RIOX1: variants seen among roughly 807,000 people sequenced by gnomAD.
The protein encoded by RIOX1 is ribosomal oxygenase 1.
Under a neutral mutation model 44.6 loss-of-function variants are expected in RIOX1, and 33 were observed. That is an observed-to-expected ratio of 0.74 (90% confidence interval 0.56 to 0.99). RIOX1 has a LOEUF of 0.99. Among genes scored for constraint, RIOX1 ranks in the 50% least tolerant of loss-of-function variants. RIOX1 has a pLI of 0.00. For synonymous variants in RIOX1, 387 were observed against 395.8 expected, an observed-to-expected ratio of 0.98 and a Z score of 0.26; for missense variants, 821 against 871.7, an observed-to-expected ratio of 0.94 and a Z score of 0.73.
Position 73,492,574 on chromosome 14 carries a change from G to A in RIOX1, c.1557G>A (p.Arg519=), listed in dbSNP as rs1288226236. Reference sequence around the variant, plus strand: ...CCCCTGTTTTGACTGATAGGGAGAGGGCACTAAGTGTTTACGGGCTTCCAA... The same window carrying A: ...CCCCTGTTTTGACTGATAGGGAGAGAGCACTAAGTGTTTACGGGCTTCCAA... ...SLPPVLTDRE[R]ALSVYGLPIR... The change falls in exon 1 of 1, where the codon AGG becomes AGA. Residue 519 remains arginine (R), a synonymous_variant. Transcript: ENST00000304061. This position sits in a 1 kb window ranked among gnomAD's most constrained non-coding sequence, Gnocchi z 4.9. 1.9e-6 allele frequency: 3 copies of A among 1,613,912 alleles called. No homozygotes were observed. The highest frequency in any genetic ancestry group is 1.7e-6 in the Non-Finnish European group (2 of 1,179,868).
chr14:73,492,427 G>A lies in RIOX1; in HGVS notation c.1410G>A (p.Lys470=), dbSNP rs1885832127. The change falls in exon 1 of 1, where the codon AAG becomes AAA. Residue 470 remains lysine, a synonymous_variant. Coordinates refer to ENST00000304061, the MANE Select transcript of RIOX1 (RefSeq NM_024644.5). This position sits in a 1 kb window ranked among gnomAD's most constrained non-coding sequence, Gnocchi z 4.9. ...TGGGGGCCCAGCATTCAGATTCTAA[G>A]GATCCGCGAAGAACCGCTTTCATGG... ...DYMGAQHSDS[K]DPRRTAFMEK... 6.2e-7 allele frequency: 1 copy of A among 1,613,604 alleles called. No homozygotes were observed. Among genetic ancestry groups the A allele is most frequent in the Admixed American group, 1.7e-5 (1 of 59,978 alleles).
chr14:73,492,688 G>A lies in RIOX1; in HGVS notation c.1671G>A (p.Arg557=). ...ATATGCTTCAGGATGGGATAGCTCG[G>A]CTGGTGGGTGAGGGGGGCCATTTGT... The part of the protein sequence containing the change: ...EVHMLQDGIA[R]LVGEGGHLFL... The change falls in exon 1 of 1, where the codon CGG becomes CGA. Residue 557 remains arginine (R), a synonymous_variant. Coordinates refer to ENST00000304061, the MANE Select transcript of RIOX1 (RefSeq NM_024644.5). This position sits in a 1 kb window ranked among gnomAD's most constrained non-coding sequence, Gnocchi z 4.9. 1 of 1,613,996 alleles carries A rather than the reference G, an allele frequency of 6.2e-7. No homozygotes were observed.
chr14:73,491,748 C>T lies in RIOX1; in HGVS notation c.731C>T (p.Thr244Ile). 6.4e-7 allele frequency: 1 copy of T among 1,557,906 alleles called. No homozygotes were observed. Among genetic ancestry groups the T allele is most frequent in the Non-Finnish European group, 8.7e-7 (1 of 1,151,190 alleles). ...ACCTACTACCAGGGACTTTTCTCTACCGCTGACCTGGATTCGATGCTGCGC... is the reference window on the plus strand; with the variant it reads ...ACCTACTACCAGGGACTTTTCTCTATCGCTGACCTGGATTCGATGCTGCGC... ...DHTYYQGLFSTADLDSMLRNE... is the reference protein window; with the variant it reads ...DHTYYQGLFSIADLDSMLRNE... The change falls in exon 1 of 1, where the codon ACC becomes ATC. Residue 244 changes from threonine to isoleucine, a missense_variant. Transcript: ENST00000304061.
Position 73,491,479 on chromosome 14 carries a change from C to T in RIOX1, c.462C>T (p.His154=). The part of the protein sequence containing the change: ...ETSALLCTAQ[H]LAAVQSSGAP... Reference sequence around the variant, plus strand: ...CGGCCCTGCTGTGCACCGCGCAACACTTAGCGGCCGTCCAGTCGTCCGGGG... The same window carrying T: ...CGGCCCTGCTGTGCACCGCGCAACATTTAGCGGCCGTCCAGTCGTCCGGGG... Residue 154 remains histidine, a synonymous_variant, in exon 1 of 1, where the codon CAC becomes CAT. Transcript: ENST00000304061. 1 of 1,497,506 alleles carries T rather than the reference C, an allele frequency of 6.7e-7. No individual in the cohort carries two copies. Among genetic ancestry groups the T allele is most frequent in the Non-Finnish European group, 8.9e-7 (1 of 1,129,594 alleles). The allele number at this position is 1,497,506 out of a possible 1,614,324, so 92.8% of individuals were successfully genotyped here.
rs1460814744 is a variant in RIOX1 at position 73,490,983 on chromosome 14, G to GC, written c.-33dup. 2 of 1,326,020 alleles carry GC rather than the reference G, an allele frequency of 1.5e-6. No individual in the cohort carries two copies. Among genetic ancestry groups the GC allele is most frequent in the Non-Finnish European group, 1.9e-6 (2 of 1,031,244 alleles). The allele number at this position is 1,326,020 out of a possible 1,614,324, so 82.1% of individuals were successfully genotyped here. ...AGGAACCGCTTTAGCTTCGCCCCCG[G>GC]CCGGCCGGGCGGGGAAGACTGGTGT... On this transcript the variant is annotated 5_prime_UTR_variant, in exon 1 of 1. Coordinates refer to ENST00000304061, the MANE Select transcript of RIOX1 (RefSeq NM_024644.5).
rs1203578170 is a variant in RIOX1, at chr14:73,492,434, C to A, written c.1417C>A (p.Arg473=). ...CCAGCATTCAGATTCTAAGGATCCG[C>A]GAAGAACCGCTTTCATGGAGAAGGT... ...GAQHSDSKDP[R]RTAFMEKVRV... is the part of the protein sequence containing the mutation. The change falls in exon 1 of 1, where the codon CGA becomes AGA. Residue 473 remains arginine (R), a synonymous_variant. Coordinates refer to ENST00000304061, the MANE Select transcript of RIOX1 (RefSeq NM_024644.5). This position sits in a 1 kb window ranked among gnomAD's most constrained non-coding sequence, Gnocchi z 4.9. 2 of 1,613,790 alleles carry A rather than the reference C, an allele frequency of 1.2e-6. No homozygotes were observed. The highest frequency in any genetic ancestry group is 1.7e-6 in the Non-Finnish European group (2 of 1,179,778).
chr14:73,493,236 T>C lies in RIOX1; in HGVS notation c.*293T>C. The stretch of plus-strand genomic sequence containing the variant: ...CAGGCTTCAGTGTACTGGGTAACAC[T>C]GACCATGTCGTTCTGCTTGAGACAG... On this transcript the variant is annotated 3_prime_UTR_variant, in exon 1 of 1. Coordinates refer to ENST00000304061, the MANE Select transcript of RIOX1 (RefSeq NM_024644.5). 2.4e-6 allele frequency: 2 copies of C among 830,212 alleles called. No individual in the cohort carries two copies. The highest frequency in any genetic ancestry group is 3.2e-5 in the South Asian group (2 of 63,316). The allele number at this position is 830,212 out of a possible 1,614,324, so 51.4% of individuals were successfully genotyped here. A position where few individuals can be genotyped will look rare whatever the true frequency, so the allele number is the denominator to read the frequency against.
Position 73,492,500 on chromosome 14 carries a change from G to C in RIOX1, c.1483G>C (p.Asp495His). ...CCGCCTGGGACACTTTGCTCCTGTT[G>C]ATGCTGTGGCCGACCAGCGAGCCAA... ...VARLGHFAPV[D>H]AVADQRAKDF... The change falls in exon 1 of 1, where the codon GAT becomes CAT. Residue 495 changes from aspartate to histidine, a missense_variant. Physicochemically the swap from Asp to His is moderately conservative, Grantham distance 81 (BLOSUM62 -1). Transcript: ENST00000304061. The surrounding 1 kb of genome is among the most constrained non-coding windows in gnomAD (Gnocchi z 4.9). The C allele has an allele frequency of 1.2e-6, 2 of 1,613,716 alleles. No homozygotes were observed. The highest frequency in any genetic ancestry group is 1.7e-6 in the Non-Finnish European group (2 of 1,179,750).
rs1329741850 is a variant in RIOX1, at chr14:73,493,313, G to A, written c.*370G>A. The A allele has an allele frequency of 7.0e-6, 4 of 568,218 alleles. No homozygotes were observed. The highest frequency in any genetic ancestry group is 1.3e-5 in the Non-Finnish European group (4 of 314,056). 35.2% of individuals were successfully genotyped at this position (568,218 alleles called of 1,614,324 possible). A position where few individuals can be genotyped will look rare whatever the true frequency, so the allele number is the denominator to read the frequency against. ...TCTTTCATCTGAGTTCTTTTTCATG[G>A]GCGGGTCGGGGTCAGTATCCTGTTT... is the stretch of plus-strand genomic sequence containing the variant. On this transcript the variant is annotated 3_prime_UTR_variant, in exon 1 of 1. Transcript: ENST00000304061.
In RIOX1 at chr14:73,492,443, G is replaced by C; in HGVS notation, c.1426G>C (p.Ala476Pro). The change falls in exon 1 of 1, where the codon GCT becomes CCT. Residue 476 changes from alanine to proline, a missense_variant. By Grantham distance (27) the Ala-to-Pro change is conservative. This residue lies in a region of RIOX1 where 267 missense variants were observed against 340.5 expected (regional missense o/e 0.78). Transcript: ENST00000304061. The surrounding 1 kb of genome is among the most constrained non-coding windows in gnomAD (Gnocchi z 4.9). ...AGATTCTAAGGATCCGCGAAGAACC[G>C]CTTTCATGGAGAAGGTGCGGGTCTT... ...HSDSKDPRRT[A>P]FMEKVRVLVA... 1.2e-6 allele frequency: 2 copies of C among 1,613,778 alleles called. No homozygotes were observed. The highest frequency in any genetic ancestry group is 1.7e-6 in the Non-Finnish European group (2 of 1,179,778).
At position 73,492,891 on chromosome 14, in the gene RIOX1, C is replaced by T. The variant is rs1323537838; in HGVS notation, c.1874C>T (p.Thr625Met). 1.2e-6 allele frequency: 2 copies of T among 1,613,494 alleles called. No homozygotes were observed. The highest frequency in any genetic ancestry group is 2.7e-5 in the African/African-American group (2 of 74,828). ...SVEDQLSLAT[T>M]LYDKGLLLTK... ...GAGGACCAGCTGTCCTTGGCAACCA[C>T]GTTGTATGATAAGGGGCTGCTGCTC... The change falls in exon 1 of 1, where the codon ACG becomes ATG. Residue 625 changes from threonine to methionine, a missense_variant. By Grantham distance (81) the Thr-to-Met change is moderately conservative. This residue lies in a region of RIOX1 where 267 missense variants were observed against 340.5 expected (regional missense o/e 0.78). Transcript: ENST00000304061. The surrounding 1 kb of genome is among the most constrained non-coding windows in gnomAD (Gnocchi z 4.9).
At position 73,491,267 on chromosome 14, in the gene RIOX1, G is replaced by C; in HGVS notation, c.250G>C (p.Ala84Pro). 1.3e-6 allele frequency: 2 copies of C among 1,570,876 alleles called. No individual in the cohort carries two copies. The highest frequency in any genetic ancestry group is 1.7e-6 in the Non-Finnish European group (2 of 1,158,002). ...DLGDALPGGA[A>P]VAAVPDAARR... is the part of the protein sequence containing the mutation. ...GGGGGACGCGCTACCCGGTGGGGCG[G>C]CGGTGGCGGCCGTCCCGGACGCAGC... Residue 84 changes from alanine (A) to proline (P), a missense_variant, in exon 1 of 1, where the codon GCG (alanine) becomes CCG (proline). Coordinates refer to ENST00000304061, the MANE Select transcript of RIOX1 (RefSeq NM_024644.5).
rs367909112 is a variant in RIOX1 at position 73,492,784 on chromosome 14, C to T, written c.1767C>T (p.Pro589=). 4.3e-6 allele frequency: 7 copies of T among 1,613,838 alleles called. No homozygotes were observed. Among genetic ancestry groups the T allele is most frequent in the Non-Finnish European group, 5.9e-6 (7 of 1,179,896 alleles). Residue 589 remains proline, a synonymous_variant, in exon 1 of 1, where the codon CCC becomes CCT. Transcript: ENST00000304061. The surrounding 1 kb of genome is among the most constrained non-coding windows in gnomAD (Gnocchi z 4.9). ...LEEPKCLEIY[P]QQADAMELLL... is the part of the protein sequence containing the mutation. ...AACCCAAGTGCTTGGAAATATACCC[C>T]CAGCAAGCTGATGCCATGGAACTGT...
rs759171485 is a variant in RIOX1 at position 73,491,119 on chromosome 14, G to C, written c.102G>C (p.Leu34Phe). The C allele has an allele frequency of 6.2e-7, 1 of 1,607,144 alleles. No homozygotes were observed. Residue 34 changes from leucine (L) to phenylalanine (F), a missense_variant, in exon 1 of 1, where the codon TTG (leucine) becomes TTC (phenylalanine). Around this residue, in one of 2 missense-constraint regions of RIOX1, gnomAD observed 554 missense variants for 531.2 expected, o/e 1.04. Coordinates refer to ENST00000304061, the MANE Select transcript of RIOX1 (RefSeq NM_024644.5). ...PHSGSVLALP[L>F]RSRKIRKQLR... ...GCGGGTCGGTCCTGGCCCTGCCCTT[G>C]AGGTCCAGGAAGATACGAAAGCAGC...
rs1885881624 is a variant in RIOX1, at chr14:73,493,010, T to TTC, written c.*68_*69insCT. On this transcript the variant is annotated 3_prime_UTR_variant, in exon 1 of 1. Transcript: ENST00000304061. ...GCTGCCACTGCTACCTTTTTTTTTT[T>TTC]TTTTTCCTTAAACTCACGTTCTTAC... 5 of 1,583,358 alleles carry TTC rather than the reference T, an allele frequency of 3.2e-6. No homozygotes were observed. Among genetic ancestry groups the TTC allele is most frequent in the Non-Finnish European group, 3.4e-6 (4 of 1,170,804 alleles).
rs780591513 is a variant in RIOX1, at chr14:73,491,878, G to C, written c.861G>C (p.Trp287Cys). Reference protein sequence around the residue: ...PPGRALPAAAWSLYQAGCSLR... With the variant: ...PPGRALPAAACSLYQAGCSLR... ...GCCGCGCGCTGCCCGCCGCCGCGTGGTCCCTGTACCAGGCCGGCTGCTCCC... is the reference window on the plus strand; with the variant it reads ...GCCGCGCGCTGCCCGCCGCCGCGTGCTCCCTGTACCAGGCCGGCTGCTCCC... The change falls in exon 1 of 1, where the codon TGG becomes TGC. Residue 287 changes from tryptophan (W) to cysteine (C), a missense_variant. Trp to Cys is a radical substitution (Grantham distance 215). Transcript: ENST00000304061. 6.2e-7 allele frequency: 1 copy of C among 1,611,664 alleles called. No homozygotes were observed. The highest frequency in any genetic ancestry group is 8.5e-7 in the Non-Finnish European group (1 of 1,179,180).
rs1210797493 is a variant in RIOX1 at position 73,491,819 on chromosome 14, A to C, written c.802A>C (p.Ile268Leu). Residue 268 changes from isoleucine to leucine, a missense_variant, in exon 1 of 1, where the codon ATC (isoleucine) becomes CTC (leucine). This residue lies in a region of RIOX1 where 554 missense variants were observed against 531.2 expected (regional missense o/e 1.04). Transcript: ENST00000304061. ...FGQHLDAARY[I>L]NGRRETLNPP... ...CCAGCATTTGGACGCCGCTCGCTACATCAACGGACGACGCGAGACCCTGAA... is the reference window on the plus strand; with the variant it reads ...CCAGCATTTGGACGCCGCTCGCTACCTCAACGGACGACGCGAGACCCTGAA... 1 of 1,604,666 alleles carries C rather than the reference A, an allele frequency of 6.2e-7. No individual in the cohort carries two copies. Among genetic ancestry groups the C allele is most frequent in the Non-Finnish European group, 8.5e-7 (1 of 1,176,306 alleles).
In RIOX1 at chr14:73,493,093, C is replaced by G; in HGVS notation, c.*150C>G. 2 of 1,611,246 alleles carry G rather than the reference C, an allele frequency of 1.2e-6. No individual in the cohort carries two copies. The highest frequency in any genetic ancestry group is 1.1e-5 in the South Asian group (1 of 90,966). On this transcript the variant is annotated 3_prime_UTR_variant, in exon 1 of 1. Transcript: ENST00000304061. ...TTATCACTGCTTCAGTGTCACAAAC[C>G]TCGGAAGGTCTTCTAGGAAGAACCA...
chr14:73,493,342 A>G lies in RIOX1; in HGVS notation c.*399A>G. 2.0e-6 allele frequency: 1 copy of G among 505,036 alleles called. No homozygotes were observed. Among genetic ancestry groups the G allele is most frequent in the Admixed American group, 3.8e-5 (1 of 26,564 alleles). 31.3% of individuals were successfully genotyped at this position (505,036 alleles called of 1,614,324 possible). ...GGTCGGGGTCAGTATCCTGTTTGTT[A>G]TTGTTAAATTTGTATGAACCTTAGA... On this transcript the variant is annotated 3_prime_UTR_variant, in exon 1 of 1. Coordinates refer to ENST00000304061, the MANE Select transcript of RIOX1 (RefSeq NM_024644.5).
Sources: allele counts gnomAD v4.1 joint callset, GRCh38; gene constraint gnomAD v4.1.1; regional missense constraint gnomAD v4.1.1; non-coding constraint Gnocchi (gnomAD v3.1); transcripts MANE v1.5; gene names NCBI Gene and HGNC (gene_info 2026-07-23, HGNC 2026-07-21).